The following SSPN variants were observed in gnomAD, a reference collection of about 807,000 sequenced individuals.
SSPN encodes K-ras oncogene-associated protein.
A neutral mutation model predicts 19.1 loss-of-function variants in SSPN; 15 were observed. The ratio of observed to expected loss-of-function variants is 0.78; its 90% CI spans 0.52 to 1.21. The LOEUF is 1.21. Ranked by LOEUF, SSPN falls within the 50% of genes most tolerant of loss-of-function variation. The pLI, the probability that SSPN is intolerant of heterozygous loss-of-function variation, is 0.00. For synonymous variants in SSPN, 147 were observed against 140.3 expected (o/e 1.05, Z -0.34); for missense variants, 291 against 314.0 (o/e 0.93, Z 0.55).
At position 26,182,072 on chromosome 12, in the gene SSPN, G is replaced by A. The variant is rs538812152; in HGVS notation, c.-30-42221G>A. Among the ~76,000 whole-genome samples the A allele has an allele frequency of 1.7e-4, 26 of 152,346 alleles. 1 individual carries two copies. The South Asian group carries it at 5.4e-3, about 32-fold the overall frequency. ...ACAATTGACAGTTGTTTAGAGGTGAGTAAATCACGTGTCAGGATCAGAAGA... is the reference window on the plus strand; with the variant it reads ...ACAATTGACAGTTGTTTAGAGGTGAATAAATCACGTGTCAGGATCAGAAGA... On this transcript the variant is annotated intron_variant, in intron 1 of 2. Coordinates refer to the SSPN transcript ENST00000538142.
intron 1 of SSPN, among the ~76,000 whole-genome samples, chr12:26,132,868 CT>C (rs1256240397): frequency 3.3e-5 from 5 of 152,340 alleles, no homozygotes; most frequent in Admixed American, 1.3e-4. Flanking sequence ...TGTTCCACAT[CT>C]TCTGTAGTGT....
At chr12:26,203,922 T>A (rs1944907909) in intron 1 of SSPN, among the ~76,000 whole-genome samples, 1 of 152,180 alleles carries the variant, frequency 6.6e-6, no homozygotes, top group Admixed American at 6.5e-5. Flanking sequence ...TCTCTTTCTC[T>A]TCCTCTTCTC....
chr12:26,195,966 T>C lies in SSPN; in HGVS notation c.279+15T>C. The C allele has an allele frequency of 1.4e-6, 2 of 1,472,822 alleles. No individual in the cohort carries two copies. The highest frequency in any genetic ancestry group is 1.8e-6 in the Non-Finnish European group (2 of 1,111,686). 91.2% of individuals were successfully genotyped at this position (1,472,822 alleles called of 1,614,324 possible). ...CTGGGATCATTGTAAGCATCAAGTCTGTTTTGCCTAAGCGCGTTTGCCAAA... is the reference window on the plus strand; with the variant it reads ...CTGGGATCATTGTAAGCATCAAGTCCGTTTTGCCTAAGCGCGTTTGCCAAA... On this transcript the variant is annotated intron_variant, in intron 1 of 2. Coordinates refer to ENST00000242729, the MANE Select transcript of SSPN (RefSeq NM_005086.5).
intron 1 of SSPN, among the ~76,000 whole-genome samples, chr12:26,218,407 G>T (rs1264603956): frequency 4.8e-5 from 5 of 104,486 alleles, no homozygotes; most frequent in African/African-American, 2.0e-4. Flanking sequence ...GTTAGTGGGT[G>T]CAGCGCACCA....
At chr12:26,164,671 T>C (rs149540060) in intron 1 of SSPN, among the ~76,000 whole-genome samples, 319 of 152,380 alleles carry the variant, frequency 2.1e-3, no homozygotes, top group Non-Finnish European at 3.4e-3. Flanking sequence ...CTTTTCTATA[T>C]TGCATTTGTA....
chr12:26,226,991 C>T (rs1473512399), intron 2 of SSPN, among the ~76,000 whole-genome samples: 1 of 152,072 alleles, frequency 6.6e-6, no homozygotes, highest in African/African-American at 2.4e-5. Context: ...CGCCCGGGGC[C>T]ACCGCGCCTC....
intron 1 of SSPN, among the ~76,000 whole-genome samples, chr12:26,223,786 C>A (rs1036510929): frequency 3.3e-5 from 5 of 152,194 alleles, no homozygotes; most frequent in Non-Finnish European, 5.9e-5. Flanking sequence ...CTTAGAAGAG[C>A]TCTAGCATGT....
chr12:26,129,355 C>T lies in SSPN; in HGVS notation c.-31+7203C>T, dbSNP rs575489860. Among the ~76,000 whole-genome samples, 13 of 152,188 alleles carry T rather than the reference C, an allele frequency of 8.5e-5. No individual in the cohort carries two copies. In the East Asian group the frequency reaches 1.2e-3, roughly 14 times the overall value. On this transcript the variant is annotated intron_variant, in intron 1 of 2. Coordinates refer to the SSPN transcript ENST00000538142. ...TAAAATCAAGGCCTGGAGGGGATAG[C>T]GGGGTGGGATCTGGACTTACAAAAG...
Position 26,203,007 on chromosome 12 carries a change from G to T in SSPN, c.279+7056G>T, listed in dbSNP as rs149204166. 1.6e-4 allele frequency among the ~76,000 whole-genome samples: 25 copies of T among 152,282 alleles called. 1 individual carries two copies. In the East Asian group the frequency reaches 4.6e-3, roughly 28 times the overall value. ...GAAGCAAATCATATCTTACAGGGCT[G>T]CAGGAGAGAGAGCACTGGGGAAACT... On this transcript the variant is annotated intron_variant, in intron 1 of 2. Coordinates refer to ENST00000242729, the MANE Select transcript of SSPN (RefSeq NM_005086.5).
chr12:26,201,030 T>TAAAATATATATATATATAAATA (rs1268154886), intron 1 of SSPN, among the ~76,000 whole-genome samples: 1 of 35,578 alleles, frequency 2.8e-5, no homozygotes, highest in African/African-American at 1.3e-4. Flanking sequence ...TATATATATA[T>TAAAATATATATATATATAAATA]ATATATATAT....
rs866389633 is a variant in SSPN, at chr12:26,122,986, G to C, written c.-31+834G>C. 1 of 1,565,752 alleles carries C rather than the reference G, an allele frequency of 6.4e-7. No individual in the cohort carries two copies. Among genetic ancestry groups the C allele is most frequent in the Non-Finnish European group, 8.7e-7 (1 of 1,154,672 alleles). Reference sequence around the variant, plus strand: ...GGGACCTGTTGAGTCAACAGCTGCGGGGTGGGCAAGAACTGGGTGGCCACG... The same window carrying C: ...GGGACCTGTTGAGTCAACAGCTGCGCGGTGGGCAAGAACTGGGTGGCCACG... On this transcript the variant is annotated intron_variant, in intron 1 of 2. Transcript: ENST00000538142.
At chr12:26,219,449 A>G (rs779415406) in intron 1 of SSPN, among the ~76,000 whole-genome samples, 129 of 149,876 alleles carry the variant, frequency 8.6e-4, no homozygotes, top group Non-Finnish European at 1.4e-3. Flanking sequence ...GACAAAGACA[A>G]TGTGTGACAA....
At chr12:26,170,829 G>A (rs980239370) in intron 1 of SSPN, among the ~76,000 whole-genome samples, 4 of 152,184 alleles carry the variant, frequency 2.6e-5, no homozygotes, top group Non-Finnish European at 5.9e-5. Context: ...GAGAGGAACA[G>A]CTTTGCCCAT....
At chr12:26,204,096 G>T (rs1944909657) in intron 1 of SSPN, among the ~76,000 whole-genome samples, 1 of 152,106 alleles carries the variant, frequency 6.6e-6, no homozygotes, top group Admixed American at 6.5e-5. Context: ...TCCGGTGAGG[G>T]TTATACATTT....
At chr12:26,163,881 A>G (rs1018858985) in intron 1 of SSPN, among the ~76,000 whole-genome samples, 3 of 152,366 alleles carry the variant, frequency 2.0e-5, no homozygotes, top group African/African-American at 7.2e-5. Flanking sequence ...TTAAATTACT[A>G]GTGAACTCCA....
At chr12:26,161,324 C>G (rs1404904511) in intron 1 of SSPN, among the ~76,000 whole-genome samples, 1 of 152,006 alleles carries the variant, frequency 6.6e-6, no homozygotes, top group Non-Finnish European at 1.5e-5. Flanking sequence ...CTTGCTGTTT[C>G]TTGAACCCAC....
chr12:26,123,528 C>G, intron 1 of SSPN: 1 of 862,238 alleles, frequency 1.2e-6, no homozygotes, highest in African/African-American at 1.6e-5. Flanking sequence ...AACCCATGAG[C>G]CCACGGAAAG....
upstream of SSPN, among the ~76,000 whole-genome samples, chr12:26,193,683 ATGGCCCCAAAGC>A (rs1345046131): frequency 3.3e-5 from 5 of 152,208 alleles, no homozygotes; most frequent in African/African-American, 1.2e-4. Context: ...TTGTGGTGTG[ATGGCCCCAAAGC>A]TGACCATAAA....
At chr12:26,122,923 A>T in intron 1 of SSPN, 1 of 1,550,556 alleles carries the variant, frequency 6.4e-7, no homozygotes, top group South Asian at 1.2e-5. Context: ...GCGGCCGCGG[A>T]CCCGGCGGCC....
Sources: allele counts gnomAD v4.1 joint callset (sites outside exome capture counted in the v4.1 genomes callset), GRCh38; gene constraint gnomAD v4.1.1; transcripts MANE v1.5; gene names NCBI Gene and HGNC (gene_info 2026-07-23, HGNC 2026-07-21).